Variants in PLEKHH2 observed in about 807,000 individuals in gnomAD.
PLEKHH2 encodes pleckstrin homology domain-containing family H member 2.
Under a neutral mutation model 187.9 loss-of-function variants are expected in PLEKHH2, and 129 were observed. The observed-to-expected ratio is 0.69, with a 90% CI of 0.59 to 0.79. The LOEUF (loss-of-function observed/expected upper bound fraction) is 0.79, where lower values mean the gene tolerates loss of function less well. PLEKHH2 is among the 30% of genes least tolerant of loss of function. The probability of loss-of-function intolerance (pLI) is 0.00; values close to 1 mark genes in which losing one functional copy is unlikely to be tolerated. For missense variants in PLEKHH2, 2,076 were observed against 1,751.2 expected (o/e 1.19, Z -3.31); for synonymous variants, 686 against 605.6 (o/e 1.13, Z -1.95).
rs1396740561 is a variant in PLEKHH2 at position 43,762,378 on chromosome 2, A to G, written c.4146A>G (p.Glu1382=). The change falls in exon 28 of 30, where the codon GAA becomes GAG. Residue 1382 remains glutamate (E), a synonymous_variant. Coordinates refer to ENST00000282406, the MANE Select transcript of PLEKHH2 (RefSeq NM_172069.4). ...AVHEDGLSLL[E]YNSMRLIVSY... ...ATGAGGATGGTTTAAGCCTCTTAGAATACAACTCCATGGTAAGTTTAAACG... is the reference window on the plus strand; with the variant it reads ...ATGAGGATGGTTTAAGCCTCTTAGAGTACAACTCCATGGTAAGTTTAAACG... 3.7e-6 allele frequency: 6 copies of G among 1,607,598 alleles called. No individual in the cohort carries two copies. The Admixed American group carries it at 5.0e-5, about 13-fold the overall frequency.
chr2:43,647,629 T>G (rs775792754), intron 2 of PLEKHH2, among the ~76,000 whole-genome samples: 2 of 152,158 alleles, frequency 1.3e-5, no homozygotes, highest in Non-Finnish European at 2.9e-5. Context: ...CGTATGGCAT[T>G]GCTTCTAAGT....
At chr2:43,744,321 C>T (rs1171692507) in intron 23 of PLEKHH2, among the ~76,000 whole-genome samples, 1 of 152,152 alleles carries the variant, frequency 6.6e-6, no homozygotes, top group Non-Finnish European at 1.5e-5. Flanking sequence ...GCAATACTTA[C>T]TAAGCTATTT....
At chr2:43,675,648 T>C in intron 2 of PLEKHH2, 1 of 1,613,996 alleles carries the variant, frequency 6.2e-7, no homozygotes, top group Non-Finnish European at 8.5e-7. Context: ...CTCCTGCATA[T>C]TTCAGGCATA....
chr2:43,723,712 C>T lies in PLEKHH2; in HGVS notation c.2542-2560C>T, dbSNP rs558036785. 6.4e-4 allele frequency among the ~76,000 whole-genome samples: 97 copies of T among 152,240 alleles called. 1 individual carries two copies. In the South Asian group the frequency reaches 0.019, roughly 30 times the overall value. On this transcript the variant is annotated intron_variant, in intron 16 of 29. Transcript: ENST00000282406. Reference sequence around the variant, plus strand: ...CTTTAGTTCAAAATAACCCTTATGCCAAAGTGATATCTGTTGGGGTGGCAG... The same window carrying T: ...CTTTAGTTCAAAATAACCCTTATGCTAAAGTGATATCTGTTGGGGTGGCAG...
At position 43,699,873 on chromosome 2, in the gene PLEKHH2, C is replaced by G; in HGVS notation, c.915C>G (p.Thr305=). 1.9e-6 allele frequency: 3 copies of G among 1,614,064 alleles called. No homozygotes were observed. Among genetic ancestry groups the G allele is most frequent in the Non-Finnish European group, 1.7e-6 (2 of 1,179,980 alleles). Residue 305 remains threonine, a synonymous_variant, in exon 8 of 30, where the codon ACC becomes ACG. Transcript: ENST00000282406. The part of the protein sequence containing the change: ...KGRSKSRCTS[T]LSSHTSEEGV... ...GATCCAAGTCCAGATGCACATCCACCCTCTCCAGTCACACATCTGAGGAAG... is the reference window on the plus strand; with the variant it reads ...GATCCAAGTCCAGATGCACATCCACGCTCTCCAGTCACACATCTGAGGAAG...
intron 17 of PLEKHH2, among the ~76,000 whole-genome samples, chr2:43,729,043 T>G (rs1248734249): frequency 6.6e-6 from 1 of 152,198 alleles, no homozygotes; most frequent in East Asian, 1.9e-4. Flanking sequence ...TCCATATGTG[T>G]AGTAGAATAT....
In PLEKHH2 at chr2:43,653,296, A is replaced by G. The variant is rs1413763878; in HGVS notation, c.123+8500A>G. Among the ~76,000 whole-genome samples, 3 of 152,210 alleles carry G rather than the reference A, an allele frequency of 2.0e-5. No homozygotes were observed. In the East Asian group the frequency reaches 5.8e-4, roughly 29 times the overall value. On this transcript the variant is annotated intron_variant, in intron 2 of 29. Transcript: ENST00000282406. Reference sequence around the variant, plus strand: ...AAAAGATTCTGCAAGCTTTCAGAGGAAAAAACAGTTCACATACAAAGCATC... The same window carrying G: ...AAAAGATTCTGCAAGCTTTCAGAGGGAAAAACAGTTCACATACAAAGCATC...
In PLEKHH2 at chr2:43,700,364, T is replaced by G. The variant is rs1208239243; in HGVS notation, c.1406T>G (p.Phe469Cys). 1 of 1,613,982 alleles carries G rather than the reference T, an allele frequency of 6.2e-7. No individual in the cohort carries two copies. Among genetic ancestry groups the G allele is most frequent in the African/African-American group, 1.3e-5 (1 of 74,890 alleles). The change falls in exon 8 of 30, where the codon TTT becomes TGT. Residue 469 changes from phenylalanine (F) to cysteine (C), a missense_variant. Phe to Cys is a radical substitution (Grantham distance 205). Coordinates refer to ENST00000282406, the MANE Select transcript of PLEKHH2 (RefSeq NM_172069.4). ...SQPQLSSDRM[F>C]GTNRNAISMI... ...CCACAGTTAAGCTCTGACAGGATGT[T>G]TGGTACAAATAGAAACGCTATAAGC... is the stretch of plus-strand genomic sequence containing the variant.
chr2:43,706,417 G>A lies in PLEKHH2; in HGVS notation c.1821+1G>A. ...CCCAGTGTATACAACTTTGAAGGGGGTAACTCATTATTGTTATTGTTAAAA... is the reference window on the plus strand; with the variant it reads ...CCCAGTGTATACAACTTTGAAGGGGATAACTCATTATTGTTATTGTTAAAA... On this transcript the variant is annotated splice_donor_variant, in intron 10 of 29. Coordinates refer to ENST00000282406, the MANE Select transcript of PLEKHH2 (RefSeq NM_172069.4). LOFTEE classifies it high-confidence loss of function. 1 of 1,554,980 alleles carries A rather than the reference G, an allele frequency of 6.4e-7. No homozygotes were observed. The highest frequency in any genetic ancestry group is 1.1e-5 in the South Asian group (1 of 87,712).
At chr2:43,719,253 G>A (rs539789162) in intron 15 of PLEKHH2, among the ~76,000 whole-genome samples, 1 of 152,134 alleles carries the variant, frequency 6.6e-6, no homozygotes, top group Admixed American at 6.5e-5. Flanking sequence ...TTAAGAGCTA[G>A]ATTCAAATTC....
chr2:43,670,703 T>C (rs544737945), intron 2 of PLEKHH2, among the ~76,000 whole-genome samples: 1 of 152,284 alleles, frequency 6.6e-6, no homozygotes, highest in African/African-American at 2.4e-5. Flanking sequence ...CTTCTTAATT[T>C]GTGCAGAAAG....
At chr2:43,755,460 G>T (rs1672179845) in intron 25 of PLEKHH2, among the ~76,000 whole-genome samples, 1 of 152,206 alleles carries the variant, frequency 6.6e-6, no homozygotes, top group Non-Finnish European at 1.5e-5. Context: ...CTCCTAAGTA[G>T]TGTGCCTTTC....
intron 2 of PLEKHH2, among the ~76,000 whole-genome samples, chr2:43,676,556 G>A (rs1438843258): frequency 6.6e-6 from 1 of 151,934 alleles, no homozygotes; most frequent in Non-Finnish European, 1.5e-5. Flanking sequence ...TGCACGCCTG[G>A]CCTTCCAACC....
intron 16 of PLEKHH2, among the ~76,000 whole-genome samples, chr2:43,721,627 T>A (rs1169522157): frequency 6.6e-6 from 1 of 152,202 alleles, no homozygotes; most frequent in East Asian, 1.9e-4. Context: ...CTCATGCCTA[T>A]AATCCCAGCA....
At chr2:43,757,742 A>G (rs544515849) in intron 26 of PLEKHH2, among the ~76,000 whole-genome samples, 121 of 149,332 alleles carry the variant, frequency 8.1e-4, no homozygotes, top group Non-Finnish European at 1.2e-3. Context: ...AGATAAGCCC[A>G]GAAGCTTTAG....
intron 2 of PLEKHH2, among the ~76,000 whole-genome samples, chr2:43,659,814 C>G (rs1439814640): frequency 1.3e-5 from 2 of 151,910 alleles, no homozygotes; most frequent in African/African-American, 2.4e-5. Flanking sequence ...CTGCCTTGTC[C>G]TCCCAAAGTG....
At position 43,745,972 on chromosome 2, in the gene PLEKHH2, T is replaced by C; in HGVS notation, c.3653+9T>C. The C allele has an allele frequency of 5.1e-6, 8 of 1,567,986 alleles. No homozygotes were observed. Among genetic ancestry groups the C allele is most frequent in the African/African-American group, 1.4e-5 (1 of 73,804 alleles). ...CTGACATACAAAAACAGGTGTGTAA[T>C]ACTGCATCCAGATGCCAAAGTATGA... On this transcript the variant is annotated intron_variant, in intron 24 of 29. Coordinates refer to ENST00000282406, the MANE Select transcript of PLEKHH2 (RefSeq NM_172069.4).
intron 19 of PLEKHH2, among the ~76,000 whole-genome samples, chr2:43,735,065 C>T (rs1482913767): frequency 6.6e-6 from 1 of 152,132 alleles, no homozygotes; most frequent in Non-Finnish European, 1.5e-5. Context: ...TGGTGCATTC[C>T]TGTAATCCCA....
intron 2 of PLEKHH2, among the ~76,000 whole-genome samples, chr2:43,651,227 C>T (rs1265683790): frequency 1.3e-5 from 2 of 151,936 alleles, no homozygotes; most frequent in Non-Finnish European, 2.9e-5. Context: ...ATTATGCCTG[C>T]CTCAACCATT....
Sources: allele counts gnomAD v4.1 joint callset (sites outside exome capture counted in the v4.1 genomes callset), GRCh38; gene constraint gnomAD v4.1.1; transcripts MANE v1.5; gene names NCBI Gene and HGNC (gene_info 2026-07-23, HGNC 2026-07-21).